GCNT1: variants seen among roughly 807,000 people sequenced by gnomAD.
GCNT1 encodes the protein beta-1,3-galactosyl-O-glycosyl-glycoprotein beta-1,6-N-acetylglucosaminyltransferase.
Under a neutral mutation model 26.2 loss-of-function variants are expected in GCNT1, and 16 were observed. The observed-to-expected ratio is 0.61, with a 90% CI of 0.41 to 0.93. The LOEUF (loss-of-function observed/expected upper bound fraction) is 0.93, where lower values mean the gene tolerates loss of function less well. Ranked by LOEUF, GCNT1 falls within the 40% of genes least tolerant of loss-of-function variation. The pLI, the probability that GCNT1 is intolerant of heterozygous loss-of-function variation, is 0.00. For synonymous variants in GCNT1, 183 were observed against 190.8 expected, an observed-to-expected ratio of 0.96 and a Z score of 0.34; for missense variants, 477 against 526.7, an observed-to-expected ratio of 0.91 and a Z score of 0.92.
intron 2 of GCNT1, among the ~76,000 whole-genome samples, chr9:76,463,358 A>G (rs909758787): frequency 6.6e-6 from 1 of 152,214 alleles, no homozygotes; most frequent in Non-Finnish European, 1.5e-5. Context: ...TTGCCCACCC[A>G]TGAGCTGGCC....
chr9:76,453,970 G>A (rs757004438), intron 1 of GCNT1, among the ~76,000 whole-genome samples: 3 of 152,122 alleles, frequency 2.0e-5, no homozygotes, highest in Non-Finnish European at 2.9e-5. Context: ...AGAGAATGTC[G>A]CAATAGGGGA....
chr9:76,394,499 C>G, the GCNT1 span: 13 of 246,958 alleles, frequency 5.3e-5, no homozygotes, highest in Non-Finnish European at 8.6e-5. Context: ...CCGGCGTGCG[C>G]TCCCTTCCTC....
intron 1 of GCNT1, among the ~76,000 whole-genome samples, chr9:76,434,152 T>C (rs1216829817): frequency 6.6e-6 from 1 of 152,206 alleles, no homozygotes; most frequent in African/African-American, 2.4e-5. Flanking sequence ...GGAAAAAGCA[T>C]AGCACTTACA....
At chr9:76,425,369 A>C (rs4745545) in intron 1 of GCNT1, among the ~76,000 whole-genome samples, 116,834 of 151,128 alleles carry the variant, frequency 0.77, 45,866 homozygotes, top group Middle Eastern at 0.86. Flanking sequence ...ATTAAAGGTG[A>C]CCGCCAACAC....
chr9:76,423,359 T>C (rs914900654), intron 1 of GCNT1, among the ~76,000 whole-genome samples: 1 of 152,244 alleles, frequency 6.6e-6, no homozygotes, highest in African/African-American at 2.4e-5. Flanking sequence ...AGGCTGACAC[T>C]GTGAGCTCAT....
In GCNT1 at chr9:76,503,174, A is replaced by C; in HGVS notation, c.793A>C (p.Lys265Gln). Residue 265 changes from lysine (K) to glutamine (Q), a missense_variant, in exon 4 of 4, where the codon AAG becomes CAG. Coordinates refer to ENST00000376730, the MANE Select transcript of GCNT1 (RefSeq NM_001490.5). Reference protein sequence around the residue: ...WKKRYEVVNGKLTNTGTVKML... With the variant: ...WKKRYEVVNGQLTNTGTVKML... ...GAAGCGGTATGAGGTCGTTAATGGAAAGCTGACAAACACAGGGACTGTCAA... is the reference window on the plus strand; with the variant it reads ...GAAGCGGTATGAGGTCGTTAATGGACAGCTGACAAACACAGGGACTGTCAA... 1 of 1,614,180 alleles carries C rather than the reference A, an allele frequency of 6.2e-7. No individual in the cohort carries two copies. Among genetic ancestry groups the C allele is most frequent in the South Asian group, 1.1e-5 (1 of 91,084 alleles).
chr9:76,409,688 C>T, the GCNT1 span, among the ~76,000 whole-genome samples: 1 of 152,152 alleles, frequency 6.6e-6, no homozygotes, highest in Non-Finnish European at 1.5e-5. Flanking sequence ...TCAGGTGATC[C>T]ACCTGCCTCG....
intron 1 of GCNT1, among the ~76,000 whole-genome samples, chr9:76,426,313 A>G (rs1168695526): frequency 6.6e-6 from 1 of 152,202 alleles, no homozygotes; most frequent in East Asian, 1.9e-4. Flanking sequence ...GGTGCTTTCC[A>G]TTCTAGCCCT....
the GCNT1 span, among the ~76,000 whole-genome samples, chr9:76,396,172 A>T: frequency 6.6e-6 from 1 of 152,358 alleles, no homozygotes. Context: ...GAGATAAAAT[A>T]ATTAAATGAA....
At chr9:76,418,547 G>A (rs964779414), upstream of GCNT1, among the ~76,000 whole-genome samples, 4 of 152,168 alleles carry the variant, frequency 2.6e-5, no homozygotes, top group Non-Finnish European at 5.9e-5. Context: ...TTTACAAAAT[G>A]AACTGACAAA....
intron 3 of GCNT1, chr9:76,501,983 G>A (rs1825081735): frequency 6.6e-6 from 1 of 152,032 alleles, no homozygotes; most frequent in South Asian, 2.1e-4. Context: ...TGGGATTTGG[G>A]GTTTGTTTTT....
the GCNT1 span, among the ~76,000 whole-genome samples, chr9:76,411,108 C>G: frequency 6.6e-6 from 1 of 152,150 alleles, no homozygotes; most frequent in Non-Finnish European, 1.5e-5. Flanking sequence ...TCTACATAGA[C>G]AACATATAGT....
In GCNT1 at chr9:76,504,883, C is replaced by T. The variant is rs1276070596; in HGVS notation, c.*1215C>T. 11 of 413,148 alleles carry T rather than the reference C, an allele frequency of 2.7e-5. No homozygotes were observed. Among genetic ancestry groups the T allele is most frequent in the Non-Finnish European group, 4.0e-5 (9 of 226,116 alleles). 25.6% of individuals were successfully genotyped at this position (413,148 alleles called of 1,614,324 possible). On this transcript the variant is annotated 3_prime_UTR_variant, in exon 4 of 4. Coordinates refer to ENST00000376730, the MANE Select transcript of GCNT1 (RefSeq NM_001490.5). ...TCATTCCACATGGCCTGTTGGAAGG[C>T]CTGGGGAGGGAACTTTGGGTTTGGG...
chr9:76,396,269 A>G, the GCNT1 span, among the ~76,000 whole-genome samples: 1 of 152,244 alleles, frequency 6.6e-6, no homozygotes, highest in Non-Finnish European at 1.5e-5. Context: ...TCCTCTCATC[A>G]GCTTTGTTGG....
At chr9:76,461,820 C>T (rs938149240) in intron 2 of GCNT1, among the ~76,000 whole-genome samples, 10 of 152,108 alleles carry the variant, frequency 6.6e-5, no homozygotes, top group East Asian at 1.9e-4. Context: ...ACCCGGGAGG[C>T]GGAGGTTAGG....
upstream of GCNT1, chr9:76,459,123 G>C (rs565038508): frequency 6.6e-6 from 1 of 152,350 alleles, no homozygotes; most frequent in South Asian, 2.1e-4. Context: ...GGCGAGGCGG[G>C]GACGTGGTGG....
chr9:76,412,051 A>G, the GCNT1 span, among the ~76,000 whole-genome samples: 1 of 152,288 alleles, frequency 6.6e-6, no homozygotes, highest in Middle Eastern at 3.4e-3. Flanking sequence ...ACAGTTTGCA[A>G]TATACATTTA....
chr9:76,489,657 T>C (rs1442065549), intron 2 of GCNT1, among the ~76,000 whole-genome samples: 4 of 152,182 alleles, frequency 2.6e-5, no homozygotes, highest in Non-Finnish European at 4.4e-5. Context: ...AGAGCACTGA[T>C]GGGTGTTTTT....
At chr9:76,450,348 T>C (rs1227500453) in intron 1 of GCNT1, among the ~76,000 whole-genome samples, 2 of 152,248 alleles carry the variant, frequency 1.3e-5, no homozygotes, top group Admixed American at 6.5e-5. Flanking sequence ...CATGATTTTA[T>C]CTTTCTCTGA....
Sources: allele counts gnomAD v4.1 joint callset (sites outside exome capture counted in the v4.1 genomes callset), GRCh38; gene constraint gnomAD v4.1.1; transcripts MANE v1.5; gene names NCBI Gene and HGNC (gene_info 2026-07-23, HGNC 2026-07-21).